The following DSTYK variants were observed in gnomAD, a reference collection of about 807,000 sequenced individuals.
DSTYK encodes the protein RIP-homologous kinase.
A neutral mutation model predicts 98.7 loss-of-function variants in DSTYK; 34 were observed. The ratio of observed to expected loss-of-function variants is 0.34; its 90% CI spans 0.26 to 0.46. DSTYK has a LOEUF of 0.46. Ranked by LOEUF, DSTYK falls within the 20% of genes least tolerant of loss-of-function variation. The pLI is 1.00. For missense variants in DSTYK, 962 were observed against 1,181.7 expected, an observed-to-expected ratio of 0.81 and a Z score of 2.73; for synonymous variants, 462 against 457.3, an observed-to-expected ratio of 1.01 and a Z score of -0.13.
chr1:205,166,766 C>T (rs1397180916), intron 3 of DSTYK, among the ~76,000 whole-genome samples: 2 of 152,204 alleles, frequency 1.3e-5, no homozygotes, highest in Non-Finnish European at 2.9e-5. Context: ...CTCTGTTCAT[C>T]TTTAGAATGA....
At chr1:205,210,255 C>T (rs1315671457) in intron 1 of DSTYK, among the ~76,000 whole-genome samples, 2 of 152,070 alleles carry the variant, frequency 1.3e-5, no homozygotes, top group Non-Finnish European at 2.9e-5. Flanking sequence ...CTTCACACAC[C>T]TATTCAATAG....
chr1:205,209,513 TGATA>T (rs1236163016), intron 1 of DSTYK, among the ~76,000 whole-genome samples: 8 of 45,408 alleles, frequency 1.8e-4, no homozygotes, highest in South Asian at 7.5e-4. Flanking sequence ...CCAGAAATGG[TGATA>T]AAAATAAGAT....
At chr1:205,173,608 GGATTATCTTAAAATTCTA>G (rs1191712584) in intron 2 of DSTYK, among the ~76,000 whole-genome samples, 1 of 151,832 alleles carries the variant, frequency 6.6e-6, no homozygotes, top group Non-Finnish European at 1.5e-5. Flanking sequence ...TTTTTCTGAT[GGATTATCTTAAAATTCTA>G]GAATAAATTT....
chr1:205,207,371 A>T (rs990107860), intron 1 of DSTYK, among the ~76,000 whole-genome samples: 16 of 151,068 alleles, frequency 1.1e-4, no homozygotes, highest in African/African-American at 3.9e-4. Context: ...GAGCCGCCGC[A>T]CCCGGCCCAC....
In DSTYK at chr1:205,150,542, T is replaced by C; in HGVS notation, c.2467+138A>G. 1.6e-6 allele frequency: 1 copy of C among 632,064 alleles called. No homozygotes were observed. Among genetic ancestry groups the C allele is most frequent in the East Asian group, 2.8e-5 (1 of 35,794 alleles). 39.2% of individuals were successfully genotyped at this position (632,064 alleles called of 1,614,324 possible). ...CACTTTCCCTGCTACTTGCCTTAGGTAGGTCTCCCCTGATCTGGTTTCTCC... is the reference window on the plus strand; with the variant it reads ...CACTTTCCCTGCTACTTGCCTTAGGCAGGTCTCCCCTGATCTGGTTTCTCC... On this transcript the variant is annotated intron_variant, in intron 11 of 12. Transcript: ENST00000367162. The surrounding 1 kb of genome is among the most constrained non-coding windows in gnomAD (Gnocchi z 4.1).
intron 1 of DSTYK, among the ~76,000 whole-genome samples, chr1:205,195,693 T>C (rs933591298): frequency 2.0e-5 from 3 of 152,356 alleles, no homozygotes; most frequent in African/African-American, 7.2e-5. Context: ...TCTAAAGTTA[T>C]TCTATGTCAG....
chr1:205,165,307 T>G (rs145172693), intron 3 of DSTYK, among the ~76,000 whole-genome samples: 1,566 of 152,194 alleles, frequency 0.01, 23 homozygotes, highest in African/African-American at 0.036. Flanking sequence ...GCCAGGCTGG[T>G]CTTGAACTCC....
rs1294956011 is a variant in DSTYK, at chr1:205,187,496, C to T, written c.576G>A (p.Leu192=). ...GNWETIPEED[L]EVQENNEDAA... is the part of the protein sequence containing the mutation. ...CATCCTCATTGTTCTCTTGGACCTC[C>T]AGATCCTCCTCAGGGATGGTCTCCC... Residue 192 remains leucine, a synonymous_variant, in exon 2 of 13, where the codon CTG becomes CTA. Transcript: ENST00000367162. The T allele has an allele frequency of 3.7e-6, 6 of 1,614,098 alleles. No individual in the cohort carries two copies. In the Admixed American group the frequency reaches 5.0e-5, roughly 13 times the overall value.
At chr1:205,157,415 A>G (rs1657594742) in intron 9 of DSTYK, 29 bp from the exon 10 acceptor site, 1 of 1,578,340 alleles carries the variant, frequency 6.3e-7, no homozygotes, top group Non-Finnish European at 8.7e-7. Flanking sequence ...CTTACTTGTC[A>G]TGATAAGGCA....
chr1:205,176,476 T>TA (rs61291677), intron 2 of DSTYK, among the ~76,000 whole-genome samples: 1,046 of 43,120 alleles, frequency 0.024, 62 homozygotes, highest in Non-Finnish European at 0.031. Flanking sequence ...AACTCCCTCT[T>TA]AAAAAAAAAA....
At position 205,181,657 on chromosome 1, in the gene DSTYK, TG is replaced by T. The variant is rs1558616482; in HGVS notation, c.654+5760del. On this transcript the variant is annotated intron_variant, in intron 2 of 12. Coordinates refer to ENST00000367162, the MANE Select transcript of DSTYK (RefSeq NM_015375.3). ...GATGTGAGCCACAGATGTTGGGGTTTGTGTGTGTGTGTGTGTGTGTGTGTGT... is the reference window on the plus strand; with the variant it reads ...GATGTGAGCCACAGATGTTGGGGTTTTGTGTGTGTGTGTGTGTGTGTGTGT... Among the ~76,000 whole-genome samples the T allele has an allele frequency of 8.5e-5, 5 of 58,590 alleles. No homozygotes were observed. The African/African-American group carries it at 1.5e-3, about 18-fold the overall frequency. The allele number at this position is 58,590 out of a possible 152,430, so 38.4% of individuals were successfully genotyped here. A position where few individuals can be genotyped will look rare whatever the true frequency, so the allele number is the denominator to read the frequency against.
At chr1:205,189,186 C>G (rs1330289994) in intron 1 of DSTYK, among the ~76,000 whole-genome samples, 1 of 152,046 alleles carries the variant, frequency 6.6e-6, no homozygotes, top group Middle Eastern at 3.2e-3. Context: ...CCTTTCAAGG[C>G]AACTACTACT....
chr1:205,147,285 A>C lies in DSTYK; in HGVS notation c.*273T>G. The C allele has an allele frequency of 3.2e-6, 1 of 317,058 alleles. No individual in the cohort carries two copies. Among genetic ancestry groups the C allele is most frequent in the Non-Finnish European group, 5.9e-6 (1 of 169,676 alleles). The allele number at this position is 317,058 out of a possible 1,614,324, so 19.6% of individuals were successfully genotyped here. On this transcript the variant is annotated 3_prime_UTR_variant, in exon 13 of 13. Transcript: ENST00000367162. ...ACATCTGCCTCCTTTTCATTTGTGA[A>C]GCCAGAACACCACATTCCTCAGCTT...
chr1:205,172,301 GTT>G (rs111451734), intron 2 of DSTYK, among the ~76,000 whole-genome samples: 1 of 140,740 alleles, frequency 7.1e-6, no homozygotes, highest in African/African-American at 2.6e-5. Flanking sequence ...TTTGTTTGTG[GTT>G]TTTTTTTTTT....
In DSTYK at chr1:205,147,515, G is replaced by A. The variant is rs1323121287; in HGVS notation, c.*43C>T. On this transcript the variant is annotated 3_prime_UTR_variant, in exon 13 of 13. Coordinates refer to ENST00000367162, the MANE Select transcript of DSTYK (RefSeq NM_015375.3). ...TTCTCCCCATGGCCAAAAGGTGAGGGGGAAGGAAATAACTAGAGAGTGAAA... is the reference window on the plus strand; with the variant it reads ...TTCTCCCCATGGCCAAAAGGTGAGGAGGAAGGAAATAACTAGAGAGTGAAA... The A allele has an allele frequency of 7.6e-6, 12 of 1,579,422 alleles. No individual in the cohort carries two copies. The highest frequency in any genetic ancestry group is 1.0e-5 in the Non-Finnish European group (12 of 1,154,428).
intron 12 of DSTYK, 71 bp from the exon 13 acceptor site, chr1:205,147,816 C>CA: frequency 6.7e-7 from 1 of 1,497,974 alleles, no homozygotes; most frequent in Non-Finnish European, 9.2e-7. Flanking sequence ...ATGACCAGCT[C>CA]AAAGGCTGAC....
chr1:205,202,406 G>A, intron 1 of DSTYK: 1 of 743,364 alleles, frequency 1.3e-6, no homozygotes, highest in South Asian at 1.3e-5. Context: ...GGTGTGCCCA[G>A]GCCAAGCAGT....
At position 205,175,048 on chromosome 1, in the gene DSTYK, G is replaced by A. The variant is rs1574773175; in HGVS notation, c.655-5216C>T. On this transcript the variant is annotated intron_variant, in intron 2 of 12. Transcript: ENST00000367162. ...CACCGTGCCCTGCCATGGATTTCGGGCTTTCTAATGGTAGAGTATGGCCTG... is the reference window on the plus strand; with the variant it reads ...CACCGTGCCCTGCCATGGATTTCGGACTTTCTAATGGTAGAGTATGGCCTG... 6.1e-5 allele frequency among the ~76,000 whole-genome samples: 9 copies of A among 147,184 alleles called. No individual in the cohort carries two copies. In the South Asian group the frequency reaches 2.0e-3, roughly 32 times the overall value.
At chr1:205,171,308 G>A (rs12123922) in intron 2 of DSTYK, among the ~76,000 whole-genome samples, 44,603 of 151,686 alleles carry the variant, frequency 0.29, 8,564 homozygotes, top group Non-Finnish European at 0.43. Flanking sequence ...AAAATTATCC[G>A]GGTGTGGTGG....
Sources: gnomAD v4.1 joint callset for allele counts (sites outside exome capture counted in the v4.1 genomes callset) on GRCh38, gnomAD v4.1.1 for gene constraint, Gnocchi (gnomAD v3.1) non-coding constraint, MANE v1.5 for transcripts, NCBI Gene and HGNC (gene_info 2026-07-23, HGNC 2026-07-21) for gene names.